Variants in BPIFB4 observed in about 807,000 individuals in gnomAD.
BPIFB4 encodes the protein BPI fold containing family B member 4, also known as BPI fold-containing family B member 4.
BPIFB4 carries 62 observed loss-of-function variants against 69.2 expected under a neutral mutation model. That is an observed-to-expected ratio of 0.90 (90% confidence interval 0.73 to 1.11). The LOEUF (loss-of-function observed/expected upper bound fraction) is 1.11. BPIFB4 is among the 50% of genes least tolerant of loss of function. The probability of loss-of-function intolerance (pLI) is 0.00; values close to 1 mark genes in which losing one functional copy is unlikely to be tolerated. For missense variants in BPIFB4, 789 were observed against 792.0 expected (o/e 1.00, Z 0.04); for synonymous variants, 330 against 332.7 (o/e 0.99, Z 0.09).
At chr20:33,107,241 A>G (rs80187005) in intron 16 of BPIFB4, among the ~76,000 whole-genome samples, 2 of 108,672 alleles carry the variant, frequency 1.8e-5, no homozygotes, top group Admixed American at 9.3e-5. Flanking sequence ...AAGGAAGGAA[A>G]GAAAAGAAAA....
chr20:33,104,569 C>A (rs1197648398), intron 15 of BPIFB4: 2 of 475,552 alleles, frequency 4.2e-6, no homozygotes, highest in Non-Finnish European at 7.5e-6. Context: ...TTCATAGGGG[C>A]CTTGGGCCAC....
intron 17 of BPIFB4, among the ~76,000 whole-genome samples, chr20:33,110,813 G>A (rs1156728405): frequency 8.8e-6 from 1 of 114,244 alleles, no homozygotes; most frequent in Non-Finnish European, 1.8e-5. Context: ...TTTTGTTGAA[G>A]TTTTTTTTTT....
chr20:33,084,866 TTCTCACCAC>T lies in BPIFB4; in HGVS notation c.678-22_678-14del, dbSNP rs1396705478. The stretch of plus-strand genomic sequence containing the variant: ...TGGGTGGTAGTTGGGGTGGCCGGCC[TTCTCACCAC>T]TCTGTGTCCCGAGCAGGCTGCGTAT... On this transcript the variant is annotated splice_polypyrimidine_tract_variant and intron_variant, in intron 5 of 17. Coordinates refer to ENST00000375483, the MANE Select transcript of BPIFB4 (RefSeq NM_182519.3). 6.2e-7 allele frequency: 1 copy of T among 1,600,928 alleles called. No individual in the cohort carries two copies. The highest frequency in any genetic ancestry group is 8.5e-7 in the Non-Finnish European group (1 of 1,178,788).
At chr20:33,095,250 G>A (rs879047890) in intron 12 of BPIFB4, 97 bp downstream of exon 12, 60 of 1,336,598 alleles carry the variant, frequency 4.5e-5, no homozygotes, top group Middle Eastern at 4.4e-4. Context: ...CTGGGGTGGG[G>A]TGCTCTCCCC....
At chr20:33,101,673 G>A (rs1056729108) in intron 14 of BPIFB4, among the ~76,000 whole-genome samples, 6 of 152,080 alleles carry the variant, frequency 3.9e-5, no homozygotes, top group African/African-American at 1.4e-4. Flanking sequence ...AGCCTCCCAA[G>A]TAGCTGAGAT....
rs1231135835 is a variant in BPIFB4, at chr20:33,081,508, A to C, written c.-15-4A>C. 1.2e-5 allele frequency: 18 copies of C among 1,551,340 alleles called. No homozygotes were observed. Among genetic ancestry groups the C allele is most frequent in the Non-Finnish European group, 1.5e-5 (17 of 1,146,964 alleles). On this transcript the variant is annotated splice_polypyrimidine_tract_variant and splice_region_variant and intron_variant, in intron 2 of 17. Coordinates refer to ENST00000375483, the MANE Select transcript of BPIFB4 (RefSeq NM_182519.3). Reference sequence around the variant, plus strand: ...CATCTGCATCTGCACTTTCTCCTCCACAGGGAAGCAGTGCCAGCATGTGGA... The same window carrying C: ...CATCTGCATCTGCACTTTCTCCTCCCCAGGGAAGCAGTGCCAGCATGTGGA...
At chr20:33,081,375 A>G in intron 2 of BPIFB4, 137 bp from the exon 3 acceptor site, 2 of 1,418,940 alleles carry the variant, frequency 1.4e-6, no homozygotes, top group South Asian at 1.5e-5. Flanking sequence ...CTGCCTTAGT[A>G]TGTGACCTTG....
At chr20:33,091,989 G>A (rs1298792626) in intron 10 of BPIFB4, among the ~76,000 whole-genome samples, 1 of 152,122 alleles carries the variant, frequency 6.6e-6, no homozygotes, top group Non-Finnish European at 1.5e-5. Flanking sequence ...GGAATATCCT[G>A]TGGGAAGGCT....
intron 17 of BPIFB4, among the ~76,000 whole-genome samples, chr20:33,110,181 T>C (rs1287238183): frequency 6.6e-6 from 1 of 152,244 alleles, no homozygotes; most frequent in African/African-American, 2.4e-5. Flanking sequence ...CATTCAGTTG[T>C]CATGTCTCTT....
At chr20:33,089,436 C>T (rs748883409) in intron 8 of BPIFB4, 62 bp from the exon 9 acceptor site, 12 of 1,611,320 alleles carry the variant, frequency 7.4e-6, no homozygotes, top group African/African-American at 2.7e-5. Flanking sequence ...CTTGCGTCCC[C>T]GACTCCCTTG....
intron 3 of BPIFB4, 108 bp from the exon 4 acceptor site, chr20:33,082,830 T>G: frequency 1.9e-6 from 2 of 1,080,062 alleles, no homozygotes; most frequent in Non-Finnish European, 2.8e-6. Context: ...TCTTCGCTGG[T>G]GGGAAAAGTG....
intron 3 of BPIFB4, among the ~76,000 whole-genome samples, chr20:33,082,624 G>A (rs957845652): frequency 6.6e-5 from 10 of 152,146 alleles, no homozygotes; most frequent in Non-Finnish European, 1.0e-4. Context: ...GAGCCACCAC[G>A]CCCGTCCTGA....
At chr20:33,084,072 C>A (rs902652083) in intron 5 of BPIFB4, among the ~76,000 whole-genome samples, 198 bp downstream of exon 5, 1 of 152,144 alleles carries the variant, frequency 6.6e-6, no homozygotes, top group Non-Finnish European at 1.5e-5. Flanking sequence ...AAGTTTGAGA[C>A]CCAGTTCAGC....
Position 33,104,873 on chromosome 20 carries a change from G to A in BPIFB4, c.1744G>A (p.Ala582Thr), listed in dbSNP as rs759864915. The stretch of plus-strand genomic sequence containing the variant: ...CCTGGCATTCATGCCCGCAATGAAC[G>A]GTGAGAGCGGGTGCCTGTGCCTCTC... ...FDLAFMPAMN[A>T]VLGSGVPLPK... The change falls in exon 16 of 18, where the codon GCT (alanine) becomes ACT (threonine). Residue 582 changes from alanine to threonine, a missense_variant and splice_region_variant. By Grantham distance (58) the Ala-to-Thr change is moderately conservative. This residue lies in a region of BPIFB4 where 170 missense variants were observed against 193.6 expected (regional missense o/e 0.88). Coordinates refer to ENST00000375483, the MANE Select transcript of BPIFB4 (RefSeq NM_182519.3). 14 of 1,614,012 alleles carry A rather than the reference G, an allele frequency of 8.7e-6. No individual in the cohort carries two copies. The highest frequency in any genetic ancestry group is 2.2e-5 in the East Asian group (1 of 44,878).
Position 33,081,621 on chromosome 20 carries a change from T to C in BPIFB4, c.95T>C (p.Val32Ala). ...ACGGTCCTCAGGGTGACGAAAGATGTGTTGAGCAATGGTGAGTCCAGCCCC... is the reference window on the plus strand; with the variant it reads ...ACGGTCCTCAGGGTGACGAAAGATGCGTTGAGCAATGGTGAGTCCAGCCCC... ...TNTVLRVTKD[V>A]LSNAISGMLQ... Residue 32 changes from valine (V) to alanine (A), a missense_variant, in exon 3 of 18, where the codon GTG becomes GCG. By Grantham distance (64) the Val-to-Ala change is moderately conservative (BLOSUM62 0). Transcript: ENST00000375483. The C allele has an allele frequency of 6.4e-7, 1 of 1,551,648 alleles. No homozygotes were observed. Among genetic ancestry groups the C allele is most frequent in the Non-Finnish European group, 8.7e-7 (1 of 1,146,988 alleles).
chr20:33,101,204 T>C (rs769377526), intron 14 of BPIFB4, among the ~76,000 whole-genome samples: 6 of 152,134 alleles, frequency 3.9e-5, no homozygotes, highest in Middle Eastern at 3.2e-3. Context: ...TATTCTCCCT[T>C]TGTAGGGAGA....
chr20:33,096,996 T>C (rs1290583681), intron 12 of BPIFB4, among the ~76,000 whole-genome samples: 1 of 152,174 alleles, frequency 6.6e-6, no homozygotes, highest in Non-Finnish European at 1.5e-5. Context: ...TTTCAGGGAA[T>C]CAAACTGCAG....
chr20:33,084,249 G>A (rs745472060), intron 5 of BPIFB4, among the ~76,000 whole-genome samples: 1 of 152,152 alleles, frequency 6.6e-6, no homozygotes, highest in Non-Finnish European at 1.5e-5. Flanking sequence ...CCTCATAGTC[G>A]ATGTTTAATT....
chr20:33,111,685 C>G lies in BPIFB4; in HGVS notation c.*248C>G. ...GGAGTCACCTTGGGGCTGGAGGCCT[C>G]TCAGACCCCATCCTGACAGCAGGTT... On this transcript the variant is annotated 3_prime_UTR_variant, in exon 18 of 18. Coordinates refer to ENST00000375483, the MANE Select transcript of BPIFB4 (RefSeq NM_182519.3). 1 of 526,904 alleles carries G rather than the reference C, an allele frequency of 1.9e-6. No individual in the cohort carries two copies. Among genetic ancestry groups the G allele is most frequent in the Non-Finnish European group, 3.4e-6 (1 of 292,130 alleles). 32.6% of individuals were successfully genotyped at this position (526,904 alleles called of 1,614,324 possible).
Sources: allele counts gnomAD v4.1 joint callset (sites outside exome capture counted in the v4.1 genomes callset), GRCh38; gene constraint gnomAD v4.1.1; regional missense constraint gnomAD v4.1.1; transcripts MANE v1.5; gene names NCBI Gene and HGNC (gene_info 2026-07-23, HGNC 2026-07-21).